Variants in CDH9 observed in about 807,000 individuals in gnomAD.
The protein encoded by CDH9 is cadherin-9.
CDH9 carries 28 observed loss-of-function variants against 70.9 expected under a neutral mutation model. The ratio of observed to expected loss-of-function variants is 0.40; its 90% CI spans 0.29 to 0.54. The LOEUF is 0.54. Ranked by LOEUF, CDH9 falls within the 20% of genes least tolerant of loss-of-function variation. The pLI, the probability that CDH9 is intolerant of heterozygous loss-of-function variation, is 0.59. For synonymous variants in CDH9, 409 were observed against 343.1 expected (o/e 1.19, Z -2.12); for missense variants, 874 against 984.4 (o/e 0.89, Z 1.50).
intron 1 of CDH9, among the ~76,000 whole-genome samples, chr5:27,024,430 A>G (rs911684282): frequency 6.6e-6 from 1 of 152,086 alleles, no homozygotes; most frequent in Non-Finnish European, 1.5e-5. Flanking sequence ...ACATCTTTTC[A>G]ATCATTTATT....
chr5:26,921,649 C>A (rs1338479668), intron 2 of CDH9, among the ~76,000 whole-genome samples: 2 of 152,150 alleles, frequency 1.3e-5, no homozygotes, highest in Non-Finnish European at 2.9e-5. Context: ...CTTTCGACAG[C>A]CTGCTCTGCC....
At chr5:26,929,907 G>A (rs1196221834) in intron 2 of CDH9, among the ~76,000 whole-genome samples, 1 of 151,856 alleles carries the variant, frequency 6.6e-6, no homozygotes, top group Non-Finnish European at 1.5e-5. Flanking sequence ...TAGTTAGGGG[G>A]AATGAATAAG....
chr5:26,957,255 T>C (rs1338616122), intron 2 of CDH9, among the ~76,000 whole-genome samples: 1 of 152,170 alleles, frequency 6.6e-6, no homozygotes, highest in Non-Finnish European at 1.5e-5. Flanking sequence ...ACATTTGTTG[T>C]AGGAGTGCTG....
chr5:27,008,867 A>G (rs1351074175), intron 1 of CDH9, among the ~76,000 whole-genome samples: 1 of 152,174 alleles, frequency 6.6e-6, no homozygotes, highest in African/African-American at 2.4e-5. Flanking sequence ...TACCTCTGCC[A>G]AGGCAAGGAA....
intron 3 of CDH9, among the ~76,000 whole-genome samples, chr5:26,912,837 G>A (rs926385129): frequency 9.2e-5 from 14 of 152,052 alleles, no homozygotes; most frequent in African/African-American, 9.7e-5. Flanking sequence ...CATGTGTCAC[G>A]GGAGGCCCTG....
intron 2 of CDH9, among the ~76,000 whole-genome samples, chr5:26,933,227 G>A (rs972062683): frequency 6.7e-6 from 1 of 150,036 alleles, no homozygotes; most frequent in Non-Finnish European, 1.5e-5. Flanking sequence ...AAAATTCATG[G>A]TAAAATTTCA....
intron 1 of CDH9, among the ~76,000 whole-genome samples, chr5:27,025,919 A>G: frequency 6.6e-6 from 1 of 152,000 alleles, no homozygotes; most frequent in East Asian, 1.9e-4. Flanking sequence ...ATATACTGAT[A>G]TATATTCTTA....
chr5:26,996,654 TTTA>T (rs1742670608), intron 1 of CDH9, among the ~76,000 whole-genome samples: 1 of 151,840 alleles, frequency 6.6e-6, no homozygotes, highest in African/African-American at 2.4e-5. Flanking sequence ...AGTGGTTACA[TTTA>T]TTATATAACC....
chr5:26,885,807 G>A lies in CDH9; in HGVS notation c.1689C>T (p.Thr563=), dbSNP rs759028912. The change falls in exon 11 of 12, where the codon ACC becomes ACT. Residue 563 remains threonine (T), a synonymous_variant. Coordinates refer to ENST00000231021, the MANE Select transcript of CDH9 (RefSeq NM_016279.4). The part of the protein sequence containing the change: ...KDGYSRNKMS[T]YLLPILIFDN... ...CAAAGATTAAAATCGGCAATAAGTA[G>A]GTGCTCATTTTGTTGCGACTGTAGC... 1.2e-6 allele frequency: 2 copies of A among 1,613,764 alleles called. No homozygotes were observed. Among genetic ancestry groups the A allele is most frequent in the South Asian group, 2.2e-5 (2 of 91,066 alleles).
intron 2 of CDH9, among the ~76,000 whole-genome samples, chr5:26,987,897 T>A: frequency 6.6e-6 from 1 of 152,098 alleles, no homozygotes; most frequent in Admixed American, 6.6e-5. Context: ...TATGACTTAG[T>A]AGTTTACGCT....
intron 2 of CDH9, among the ~76,000 whole-genome samples, chr5:26,923,538 A>C (rs1221000039): frequency 1.3e-5 from 2 of 152,074 alleles, no homozygotes; most frequent in Non-Finnish European, 2.9e-5. Context: ...ATCAACAAAG[A>C]AACATTGGAA....
chr5:26,931,321 C>T (rs1039745906), intron 2 of CDH9, among the ~76,000 whole-genome samples: 2 of 151,990 alleles, frequency 1.3e-5, no homozygotes, highest in African/African-American at 4.8e-5. Flanking sequence ...GGAAAAGAGC[C>T]ACAGAGAAGA....
intron 1 of CDH9, among the ~76,000 whole-genome samples, chr5:27,020,257 G>T (rs1743114487): frequency 1.3e-5 from 2 of 150,944 alleles, no homozygotes; most frequent in South Asian, 4.2e-4. Context: ...CCAAAGTAAG[G>T]GTTAAGCAAA....
chr5:26,988,718 A>C (rs1319099740), intron 1 of CDH9, among the ~76,000 whole-genome samples: 1 of 152,066 alleles, frequency 6.6e-6, no homozygotes, highest in Admixed American at 6.6e-5. Context: ...CAAATGTTCC[A>C]TAGTCCTTAA....
chr5:26,952,458 C>CAAAAAAAAAAA lies in CDH9; in HGVS notation c.228+35637_228+35647dup, dbSNP rs766973787. Among the ~76,000 whole-genome samples the CAAAAAAAAAAA allele has an allele frequency of 1.0e-3, 10 of 9,966 alleles. 1 individual carries two copies. Among genetic ancestry groups the CAAAAAAAAAAA allele is most frequent in the Non-Finnish European group, 1.9e-3 (7 of 3,782 alleles). 6.5% of individuals were successfully genotyped at this position (9,966 alleles called of 152,430 possible). On this transcript the variant is annotated intron_variant, in intron 2 of 11. Coordinates refer to ENST00000231021, the MANE Select transcript of CDH9 (RefSeq NM_016279.4). ...TGAAACCCCGTCTCTACTAAAAATA[C>CAAAAAAAAAAA]AAAAAAAAAAAAAAAAAAAAAAAAA...
intron 2 of CDH9, among the ~76,000 whole-genome samples, chr5:26,970,704 T>C (rs532453954): frequency 4.3e-4 from 65 of 152,206 alleles, no homozygotes; most frequent in African/African-American, 1.4e-3. Flanking sequence ...TTGCTCTGCC[T>C]TCACTGAATG....
At chr5:26,888,864 A>C (rs1740607646) in intron 9 of CDH9, among the ~76,000 whole-genome samples, 1 of 152,128 alleles carries the variant, frequency 6.6e-6, no homozygotes. Context: ...GACAGGGAGA[A>C]AGAGAGAGCA....
At chr5:26,967,262 C>CAA (rs2112068866) in intron 2 of CDH9, among the ~76,000 whole-genome samples, 1 of 152,086 alleles carries the variant, frequency 6.6e-6, no homozygotes, top group African/African-American at 2.4e-5. Flanking sequence ...CTTGTCTTTT[C>CAA]TTCTATCCTT....
At position 26,961,875 on chromosome 5, in the gene CDH9, G is replaced by A. The variant is rs575115981; in HGVS notation, c.228+26231C>T. Among the ~76,000 whole-genome samples, 51 of 152,072 alleles carry A rather than the reference G, an allele frequency of 3.4e-4. 1 individual carries two copies. The South Asian group carries it at 8.7e-3, about 26-fold the overall frequency. On this transcript the variant is annotated intron_variant, in intron 2 of 11. Coordinates refer to ENST00000231021, the MANE Select transcript of CDH9 (RefSeq NM_016279.4). Reference sequence around the variant, plus strand: ...AAGTTCTGGGATACATGTGCACAACGTGCAGGTTTCTTACATAGGTGTACA... The same window carrying A: ...AAGTTCTGGGATACATGTGCACAACATGCAGGTTTCTTACATAGGTGTACA...
Sources: gnomAD v4.1 joint callset for allele counts (sites outside exome capture counted in the v4.1 genomes callset) on GRCh38, gnomAD v4.1.1 for gene constraint, MANE v1.5 for transcripts, NCBI Gene and HGNC (gene_info 2026-07-23, HGNC 2026-07-21) for gene names.